The following TTC7B variants were observed in gnomAD, a reference collection of about 807,000 sequenced individuals.
TTC7B encodes tetratricopeptide repeat protein 7B.
TTC7B carries 28 observed loss-of-function variants against 106.8 expected under a neutral mutation model. The ratio of observed to expected loss-of-function variants is 0.26; its 90% CI spans 0.19 to 0.36. TTC7B has a LOEUF of 0.36. Ranked by LOEUF, TTC7B falls within the 10% of genes least tolerant of loss-of-function variation. The pLI is 1.00. For synonymous variants in TTC7B, 405 were observed against 430.6 expected (o/e 0.94, Z 0.74); for missense variants, 862 against 1,076.4 (o/e 0.80, Z 2.79).
chr14:90,731,786 T>C (rs990705468), intron 4 of TTC7B, among the ~76,000 whole-genome samples: 2 of 152,198 alleles, frequency 1.3e-5, no homozygotes, highest in African/African-American at 2.4e-5. Flanking sequence ...CCCTAAGAGC[T>C]TCAAAATCAT....
At chr14:90,806,911 A>AT (rs2030642271) in intron 1 of TTC7B, among the ~76,000 whole-genome samples, 1 of 87,616 alleles carries the variant, frequency 1.1e-5, no homozygotes, top group Non-Finnish European at 3.0e-5. Flanking sequence ...TATCTCAAAA[A>AT]CAAAAAGAGT....
At chr14:90,728,335 C>G (rs531055541) in intron 5 of TTC7B, among the ~76,000 whole-genome samples, 6 of 94,490 alleles carry the variant, frequency 6.3e-5, no homozygotes, top group Admixed American at 1.2e-4. Context: ...TCGTCCCCCC[C>G]GCAAAAAAAA....
chr14:90,781,242 A>G (rs1453235715), intron 2 of TTC7B, among the ~76,000 whole-genome samples: 1 of 152,234 alleles, frequency 6.6e-6, no homozygotes, highest in Non-Finnish European at 1.5e-5. Context: ...CGTGTATGAA[A>G]TGTCCAGGAT....
At chr14:90,730,490 C>T (rs529798172) in intron 4 of TTC7B, among the ~76,000 whole-genome samples, 1 of 152,278 alleles carries the variant, frequency 6.6e-6, no homozygotes, top group East Asian at 1.9e-4. Context: ...GCGGAGAGGC[C>T]CTGCTGAATG....
intron 15 of TTC7B, chr14:90,642,791 AT>A (rs1318336787): frequency 6.6e-6 from 1 of 152,188 alleles, no homozygotes; most frequent in Non-Finnish European, 1.5e-5. Context: ...TACGTATAAT[AT>A]TGATTGTTTA....
chr14:90,578,405 C>T lies in TTC7B; in HGVS notation c.2108-97G>A. The T allele has an allele frequency of 7.6e-7, 1 of 1,318,384 alleles. No homozygotes were observed. The highest frequency in any genetic ancestry group is 1.1e-6 in the Non-Finnish European group (1 of 942,642). The allele number at this position is 1,318,384 out of a possible 1,614,324, so 81.7% of individuals were successfully genotyped here. A position where few individuals can be genotyped will look rare whatever the true frequency, so the allele number is the denominator to read the frequency against. On this transcript the variant is annotated intron_variant, in intron 18 of 19. Transcript: ENST00000328459. The surrounding 1 kb of genome is among the most constrained non-coding windows in gnomAD (Gnocchi z 4.7). ...ATGTTCGTGTTCCCTGCACGGGAGT[C>T]TGGCGGGGCGCAGAGCCAGCTGATC...
chr14:90,754,691 T>C (rs1890233241), intron 3 of TTC7B, among the ~76,000 whole-genome samples: 1 of 152,200 alleles, frequency 6.6e-6, no homozygotes, highest in African/African-American at 2.4e-5. Flanking sequence ...AACATTTTCA[T>C]CACCCCTTGA....
intron 19 of TTC7B, among the ~76,000 whole-genome samples, chr14:90,542,479 G>A (rs985647271): frequency 2.2e-4 from 33 of 152,212 alleles, no homozygotes; most frequent in African/African-American, 7.0e-4. Flanking sequence ...TAAGCGATGC[G>A]TGTACTCGCT....
chr14:90,630,057 G>A (rs990846420), intron 15 of TTC7B, among the ~76,000 whole-genome samples: 1 of 152,234 alleles, frequency 6.6e-6, no homozygotes, highest in Non-Finnish European at 1.5e-5. Flanking sequence ...CTCAGGACAT[G>A]GCTGTCTCCA....
chr14:90,724,953 T>C (rs984493535), intron 5 of TTC7B, among the ~76,000 whole-genome samples: 2 of 152,214 alleles, frequency 1.3e-5, no homozygotes, highest in African/African-American at 2.4e-5. Context: ...TCATAACCTT[T>C]AAAGGTACTA....
chr14:90,690,350 T>C (rs1887422536), intron 6 of TTC7B, among the ~76,000 whole-genome samples: 1 of 152,230 alleles, frequency 6.6e-6, no homozygotes, highest in Non-Finnish European at 1.5e-5. Context: ...AAGACCTTTC[T>C]TTAAAGCTGG....
intron 15 of TTC7B, among the ~76,000 whole-genome samples, chr14:90,619,143 C>A (rs952621326): frequency 6.6e-6 from 1 of 152,192 alleles, no homozygotes; most frequent in Non-Finnish European, 1.5e-5. Context: ...ACCTCGTGAT[C>A]CTCCCAAAGT....
In TTC7B at chr14:90,624,368, G is replaced by T. The variant is rs1439396095; in HGVS notation, c.1752-6323C>A. ...GAAGCTCTGGGGCACGCGGCATTGT[G>T]ACTGTCCAGTGTTCACCTCAGGAAA... On this transcript the variant is annotated intron_variant, in intron 15 of 19. Coordinates refer to ENST00000328459, the MANE Select transcript of TTC7B (RefSeq NM_001010854.2). This position sits in a 1 kb window ranked among gnomAD's most constrained non-coding sequence, Gnocchi z 4.0. Among the ~76,000 whole-genome samples the T allele has an allele frequency of 6.6e-6, 1 of 152,184 alleles. No homozygotes were observed. Among genetic ancestry groups the T allele is most frequent in the Non-Finnish European group, 1.5e-5 (1 of 68,036 alleles).
At chr14:90,647,310 T>A (rs1885503134) in intron 13 of TTC7B, 3 of 363,766 alleles carry the variant, frequency 8.2e-6, no homozygotes, top group Non-Finnish European at 1.0e-5. Context: ...AGGTGAAGAA[T>A]CCATAGGCCC....
At chr14:90,579,500 A>T (rs1396123435) in intron 18 of TTC7B, among the ~76,000 whole-genome samples, 1 of 152,232 alleles carries the variant, frequency 6.6e-6, no homozygotes, top group East Asian at 1.9e-4. Context: ...GAACAAAAAT[A>T]AAAAAAGAAA....
In TTC7B at chr14:90,624,119, CGTGT is replaced by C. The variant is rs768995897; in HGVS notation, c.1752-6078_1752-6075del. On this transcript the variant is annotated intron_variant, in intron 15 of 19. Transcript: ENST00000328459. This position sits in a 1 kb window ranked among gnomAD's most constrained non-coding sequence, Gnocchi z 4.0. ...GTGTGCATGTGTGTGTGCGCGTGCG[CGTGT>C]GTGTGTTTTGTGACTTGTCTTTCAT... is the stretch of plus-strand genomic sequence containing the variant. Among the ~76,000 whole-genome samples the C allele has an allele frequency of 2.2e-4, 34 of 152,184 alleles. No homozygotes were observed. In the South Asian group the frequency reaches 4.6e-3, roughly 20 times the overall value.
At chr14:90,777,105 T>A (rs1317862693) in intron 3 of TTC7B, among the ~76,000 whole-genome samples, 1 of 152,086 alleles carries the variant, frequency 6.6e-6, no homozygotes, top group Non-Finnish European at 1.5e-5. Context: ...CCAGGTGTGA[T>A]AGTGCACACC....
chr14:90,570,570 C>T lies in TTC7B; in HGVS notation c.2310+7536G>A, dbSNP rs1236562227. Among the ~76,000 whole-genome samples the T allele has an allele frequency of 6.6e-6, 1 of 152,110 alleles. No individual in the cohort carries two copies. Among genetic ancestry groups the T allele is most frequent in the African/African-American group, 2.4e-5 (1 of 41,418 alleles). On this transcript the variant is annotated intron_variant, in intron 19 of 19. Coordinates refer to ENST00000328459, the MANE Select transcript of TTC7B (RefSeq NM_001010854.2). The surrounding 1 kb of genome is among the most constrained non-coding windows in gnomAD (Gnocchi z 4.0). ...CAAGTCACACTCAAAAGCGAAGCAT[C>T]GTGCTCGCGGCCGACCACGCACCGA...
rs1036322932 is a variant in TTC7B, at chr14:90,600,257, G to A, written c.1967-6631C>T. Reference sequence around the variant, plus strand: ...AGTTAGGACAATTCCCATCTTTGCTGTAGGGTAGTCCTGCTTTCTGAGGAG... The same window carrying A: ...AGTTAGGACAATTCCCATCTTTGCTATAGGGTAGTCCTGCTTTCTGAGGAG... On this transcript the variant is annotated intron_variant, in intron 17 of 19. Coordinates refer to ENST00000328459, the MANE Select transcript of TTC7B (RefSeq NM_001010854.2). This position sits in a 1 kb window ranked among gnomAD's most constrained non-coding sequence, Gnocchi z 4.3. Among the ~76,000 whole-genome samples, 5 of 152,324 alleles carry A rather than the reference G, an allele frequency of 3.3e-5. No homozygotes were observed. The highest frequency in any genetic ancestry group is 2.0e-4 in the Admixed American group (3 of 15,306).
Sources: allele counts gnomAD v4.1 joint callset (sites outside exome capture counted in the v4.1 genomes callset), GRCh38; gene constraint gnomAD v4.1.1; non-coding constraint Gnocchi (gnomAD v3.1); transcripts MANE v1.5; gene names NCBI Gene and HGNC (gene_info 2026-07-23, HGNC 2026-07-21).